Variants in RAI14 observed in about 807,000 individuals in gnomAD.
RAI14 encodes ankycorbin.
Under a neutral mutation model 115.4 loss-of-function variants are expected in RAI14, and 45 were observed. That is an observed-to-expected ratio of 0.39 (90% CI 0.31 to 0.50). RAI14 has a LOEUF of 0.50. Ranked by LOEUF, RAI14 falls within the 20% of genes least tolerant of loss-of-function variation. RAI14 has a pLI of 0.85. For missense variants in RAI14, 939 were observed against 1,131.2 expected (o/e 0.83, Z 2.44); for synonymous variants, 371 against 415.4 (o/e 0.89, Z 1.30).
intron 2 of RAI14, among the ~76,000 whole-genome samples, chr5:34,732,317 G>T (rs1255986630): frequency 6.6e-6 from 1 of 152,116 alleles, no homozygotes; most frequent in Non-Finnish European, 1.5e-5. Flanking sequence ...AGTATATATA[G>T]AAAGAGCAAT....
At chr5:34,774,206 T>A (rs1303716166) in intron 3 of RAI14, among the ~76,000 whole-genome samples, 6 of 144,926 alleles carry the variant, frequency 4.1e-5, no homozygotes, top group African/African-American at 1.3e-4. Flanking sequence ...AAAAAAAAAA[T>A]AGCCAGACAT....
chr5:34,754,815 G>T (rs1270585135), intron 2 of RAI14, among the ~76,000 whole-genome samples: 3 of 152,126 alleles, frequency 2.0e-5, no homozygotes, highest in African/African-American at 7.2e-5. Flanking sequence ...CTCCCTTAAA[G>T]ATCCATGTGG....
chr5:34,820,345 C>T (rs912765272), intron 13 of RAI14, among the ~76,000 whole-genome samples: 2 of 152,060 alleles, frequency 1.3e-5, no homozygotes, highest in Admixed American at 6.6e-5. Flanking sequence ...TTTGGGAGGC[C>T]GAGGTGGGCA....
chr5:34,760,662 A>T (rs934881142), intron 3 of RAI14, among the ~76,000 whole-genome samples: 98 of 152,230 alleles, frequency 6.4e-4, no homozygotes, highest in African/African-American at 2.3e-3. Flanking sequence ...TACAATTGTG[A>T]TCACCTTAAC....
At chr5:34,794,387 C>T (rs1389869582) in intron 3 of RAI14, among the ~76,000 whole-genome samples, 1 of 152,220 alleles carries the variant, frequency 6.6e-6, no homozygotes. Context: ...CATGCCACTG[C>T]ACTCCAGCCT....
At chr5:34,738,495 G>A in intron 2 of RAI14, among the ~76,000 whole-genome samples, 1 of 152,152 alleles carries the variant, frequency 6.6e-6, no homozygotes, top group Non-Finnish European at 1.5e-5. Context: ...CTTGGCACTG[G>A]CTGCGCACAC....
In RAI14 at chr5:34,737,277, G is replaced by A. The variant is rs144663313; in HGVS notation, c.37-20191G>A. Among the ~76,000 whole-genome samples the A allele has an allele frequency of 1.9e-4, 29 of 152,300 alleles. No homozygotes were observed. The South Asian group carries it at 3.1e-3, about 16-fold the overall frequency. Reference sequence around the variant, plus strand: ...CTAATGTAGTGCAGGATGTGCTGAGGCTGAAGGTGCTGGCATTTATGCTGG... The same window carrying A: ...CTAATGTAGTGCAGGATGTGCTGAGACTGAAGGTGCTGGCATTTATGCTGG... On this transcript the variant is annotated intron_variant, in intron 2 of 17. Transcript: ENST00000265109.
chr5:34,718,000 G>A (rs562988816), intron 2 of RAI14, among the ~76,000 whole-genome samples: 11 of 151,452 alleles, frequency 7.3e-5, no homozygotes, highest in Admixed American at 3.3e-4. Context: ...AAGGACAGAG[G>A]CAAGGCAAGG....
intron 1 of RAI14, among the ~76,000 whole-genome samples, chr5:34,677,677 G>A (rs1561229500): frequency 6.6e-6 from 1 of 152,106 alleles, no homozygotes; most frequent in East Asian, 1.9e-4. Flanking sequence ...AGGCTCAAGT[G>A]ATCTTCCCAT....
intron 2 of RAI14, among the ~76,000 whole-genome samples, chr5:34,723,841 A>G (rs1743112088): frequency 6.6e-6 from 1 of 152,212 alleles, no homozygotes; most frequent in East Asian, 1.9e-4. Flanking sequence ...TGTTGATGAT[A>G]TAAGCATTAC....
intron 2 of RAI14, among the ~76,000 whole-genome samples, chr5:34,744,279 A>AT (rs931034471): frequency 1.6e-4 from 25 of 151,704 alleles, no homozygotes; most frequent in East Asian, 5.8e-4. Flanking sequence ...CAAATCCTAT[A>AT]TTTTTTTTTC....
chr5:34,687,463 A>G, intron 2 of RAI14: 1 of 972,912 alleles, frequency 1.0e-6, no homozygotes, highest in Non-Finnish European at 1.4e-6. Flanking sequence ...AGGGACTCGT[A>G]CTCATTTGTT....
At chr5:34,681,959 G>A (rs1202422964) in intron 1 of RAI14, among the ~76,000 whole-genome samples, 2 of 150,516 alleles carry the variant, frequency 1.3e-5, no homozygotes, top group African/African-American at 2.4e-5. Flanking sequence ...GGGCCCAAGC[G>A]ATTCTCCTGC....
chr5:34,732,827 A>AT (rs1254579358), intron 2 of RAI14, among the ~76,000 whole-genome samples: 2 of 149,842 alleles, frequency 1.3e-5, no homozygotes, highest in Non-Finnish European at 3.0e-5. Flanking sequence ...ATGTATATAT[A>AT]TTTTTTCTCT....
intron 17 of RAI14, among the ~76,000 whole-genome samples, chr5:34,830,165 G>T (rs1366883083): frequency 6.6e-6 from 1 of 152,018 alleles, no homozygotes; most frequent in Non-Finnish European, 1.5e-5. Context: ...TTGTATTTTT[G>T]TAGAGATGGG....
rs1416678194 is a variant in RAI14, at chr5:34,822,961, A to G, written c.1119A>G (p.Lys373=). The G allele has an allele frequency of 6.2e-7, 1 of 1,607,252 alleles. No individual in the cohort carries two copies. Among genetic ancestry groups the G allele is most frequent in the African/African-American group, 1.3e-5 (1 of 74,338 alleles). The change falls in exon 15 of 18, where the codon AAA becomes AAG. Residue 373 remains lysine (K), a synonymous_variant. Transcript: ENST00000265109. The part of the protein sequence containing the change: ...NKELQDKLQA[K]SPKEAEADLS... ...TTCTTGCTTTTTTTTCCTAGGCCAA[A>G]TCACCCAAGGAGGCGGAAGCAGACC... is the stretch of plus-strand genomic sequence containing the variant.
intron 2 of RAI14, among the ~76,000 whole-genome samples, chr5:34,725,283 CTA>C (rs1743301273): frequency 6.6e-6 from 1 of 151,636 alleles, no homozygotes; most frequent in Admixed American, 6.6e-5. Context: ...CTGTCAGTGT[CTA>C]TGATTTAGGG....
intron 2 of RAI14, among the ~76,000 whole-genome samples, chr5:34,699,517 C>T (rs78408586): frequency 1.1e-3 from 173 of 152,266 alleles, no homozygotes; most frequent in African/African-American, 4.1e-3. Context: ...TGTTTGTTAC[C>T]AAATTTCCCC....
chr5:34,804,791 C>T (rs1321726658), intron 5 of RAI14, among the ~76,000 whole-genome samples: 2 of 152,176 alleles, frequency 1.3e-5, no homozygotes, highest in African/African-American at 2.4e-5. Flanking sequence ...TTCTTACCTG[C>T]CTCTTCTGGG....
Sources: gnomAD v4.1 joint callset for allele counts (sites outside exome capture counted in the v4.1 genomes callset) on GRCh38, gnomAD v4.1.1 for gene constraint, MANE v1.5 for transcripts, NCBI Gene and HGNC (gene_info 2026-07-23, HGNC 2026-07-21) for gene names.